SS18L1: variants seen among roughly 807,000 people sequenced by gnomAD.
SS18L1 encodes SS18L1 subunit of BAF chromatin remodeling complex.
SS18L1 carries 32 observed loss-of-function variants against 70.3 expected under a neutral mutation model. The ratio of observed to expected loss-of-function variants is 0.46; its 90% CI spans 0.34 to 0.61. The LOEUF is 0.61. Among genes scored for constraint, SS18L1 ranks in the 20% least tolerant of loss-of-function variants. The probability of loss-of-function intolerance (pLI) is 0.01; values close to 1 mark genes in which losing one functional copy is unlikely to be tolerated. For synonymous variants in SS18L1, 237 were observed against 229.7 expected, an observed-to-expected ratio of 1.03 and a Z score of -0.29; for missense variants, 430 against 542.1, an observed-to-expected ratio of 0.79 and a Z score of 2.05.
At chr20:62,167,366 A>G (rs1164061777) in intron 8 of SS18L1, among the ~76,000 whole-genome samples, 1 of 149,162 alleles carries the variant, frequency 6.7e-6, no homozygotes, top group Non-Finnish European at 1.5e-5. Context: ...TGAGGCCAGC[A>G]TGGGCAACAT....
chr20:62,161,942 C>T lies in SS18L1; in HGVS notation c.376+362C>T, dbSNP rs887129666. 2.0e-5 allele frequency among the ~76,000 whole-genome samples: 3 copies of T among 152,182 alleles called. No individual in the cohort carries two copies. The highest frequency in any genetic ancestry group is 2.9e-5 in the Non-Finnish European group (2 of 68,036). On this transcript the variant is annotated intron_variant, in intron 4 of 10. Coordinates refer to ENST00000331758, the MANE Select transcript of SS18L1 (RefSeq NM_198935.3). This position sits in a 1 kb window ranked among gnomAD's most constrained non-coding sequence, Gnocchi z 4.4. ...GACCATTAACAGTAATATAACAGGC[C>T]GGGTGTGGTGGCTCAGATCTCTAAT...
intron 8 of SS18L1, among the ~76,000 whole-genome samples, chr20:62,169,286 G>A (rs1448941056): frequency 6.6e-6 from 1 of 152,190 alleles, no homozygotes; most frequent in Non-Finnish European, 1.5e-5. Flanking sequence ...TTGCACACAC[G>A]CACACTCACA....
chr20:62,170,567 C>T (rs557517656), intron 8 of SS18L1, among the ~76,000 whole-genome samples: 7 of 152,364 alleles, frequency 4.6e-5, no homozygotes, highest in African/African-American at 1.4e-4. Context: ...CACATCTGCC[C>T]GCCCCGTTGC....
intron 9 of SS18L1, among the ~76,000 whole-genome samples, 169 bp downstream of exon 9, chr20:62,172,970 G>A (rs1190264807): frequency 6.6e-6 from 1 of 152,248 alleles, no homozygotes; most frequent in African/African-American, 2.4e-5. Context: ...CCCTGCCCCT[G>A]CCACATGTGG....
chr20:62,156,562 G>A (rs2057227795), intron 1 of SS18L1, among the ~76,000 whole-genome samples: 2 of 152,248 alleles, frequency 1.3e-5, no homozygotes, highest in Non-Finnish European at 1.5e-5. Context: ...CCCTGAAGTC[G>A]TGGAGACCGG....
chr20:62,150,265 G>A (rs1327065183), intron 1 of SS18L1, among the ~76,000 whole-genome samples: 3 of 152,256 alleles, frequency 2.0e-5, no homozygotes, highest in East Asian at 1.9e-4. Flanking sequence ...CTGTAGTATC[G>A]GCTTGCTGAC....
rs759992434 is a variant in SS18L1 at position 62,158,973 on chromosome 20, G to A, written c.146+225G>A. ...ATATGTCCCGAGAGTCCCCCAGCACGGAGGCCAGATATGTCCCGAGAGTCC... is the reference window on the plus strand; with the variant it reads ...ATATGTCCCGAGAGTCCCCCAGCACAGAGGCCAGATATGTCCCGAGAGTCC... On this transcript the variant is annotated intron_variant, in intron 2 of 10. Transcript: ENST00000331758. This position sits in a 1 kb window ranked among gnomAD's most constrained non-coding sequence, Gnocchi z 4.5. The A allele has an allele frequency of 3.3e-6, 5 of 1,536,378 alleles. No individual in the cohort carries two copies. In the East Asian group the frequency reaches 7.4e-5, roughly 23 times the overall value.
intron 8 of SS18L1, among the ~76,000 whole-genome samples, chr20:62,169,533 C>G (rs962905835): frequency 6.6e-6 from 1 of 152,128 alleles, no homozygotes; most frequent in African/African-American, 2.4e-5. Context: ...AATCTCAGCA[C>G]TCTGGGAGGC....
At chr20:62,173,891 G>A (rs1394477752) in intron 9 of SS18L1, among the ~76,000 whole-genome samples, 1 of 151,668 alleles carries the variant, frequency 6.6e-6, no homozygotes, top group Non-Finnish European at 1.5e-5. Context: ...GCACACTCCT[G>A]TGGTCCCAGC....
intron 3 of SS18L1, among the ~76,000 whole-genome samples, chr20:62,160,644 C>T (rs753595549): frequency 6.6e-6 from 1 of 152,180 alleles, no homozygotes; most frequent in Non-Finnish European, 1.5e-5. Context: ...AGCCTCTGTC[C>T]TGCTGACGGG....
chr20:62,159,971 C>G lies in SS18L1; in HGVS notation c.231+10C>G. ...GTCCCTGCTTCCTGCCGTGAGTACCCACGGGGGGTTGGCCTCCTTTACCCA... is the reference window on the plus strand; with the variant it reads ...GTCCCTGCTTCCTGCCGTGAGTACCGACGGGGGGTTGGCCTCCTTTACCCA... On this transcript the variant is annotated intron_variant, in intron 3 of 10. Transcript: ENST00000331758. The surrounding 1 kb of genome is among the most constrained non-coding windows in gnomAD (Gnocchi z 4.4). The G allele has an allele frequency of 6.2e-7, 1 of 1,609,168 alleles. No homozygotes were observed. The highest frequency in any genetic ancestry group is 8.5e-7 in the Non-Finnish European group (1 of 1,178,788).
chr20:62,163,620 A>T lies in SS18L1; in HGVS notation c.719A>T (p.Gln240Leu). The part of the protein sequence containing the change: ...RPMAPYRPSQ[Q>L]GSSQQYLGQE... ...ATGGCGCCCTACCGGCCCTCCCAGCAAGGTAACGCCCGGCCGGGCCAGGTC... is the reference window on the plus strand; with the variant it reads ...ATGGCGCCCTACCGGCCCTCCCAGCTAGGTAACGCCCGGCCGGGCCAGGTC... Residue 240 changes from glutamine to leucine, a missense_variant and splice_region_variant, in exon 6 of 11, where the codon CAA becomes CTA. Coordinates refer to ENST00000331758, the MANE Select transcript of SS18L1 (RefSeq NM_198935.3). The T allele has an allele frequency of 6.3e-7, 1 of 1,585,600 alleles. No individual in the cohort carries two copies. Among genetic ancestry groups the T allele is most frequent in the Non-Finnish European group, 8.5e-7 (1 of 1,169,670 alleles).
chr20:62,163,642 G>T lies in SS18L1; in HGVS notation c.721+20G>T. On this transcript the variant is annotated intron_variant, in intron 6 of 10. Transcript: ENST00000331758. ...AGCAAGGTAACGCCCGGCCGGGCCA[G>T]GTCGCGGGCACAGCTGACCGCCGCG... is the stretch of plus-strand genomic sequence containing the variant. 1 of 1,543,284 alleles carries T rather than the reference G, an allele frequency of 6.5e-7. No individual in the cohort carries two copies. Among genetic ancestry groups the T allele is most frequent in the Non-Finnish European group, 8.7e-7 (1 of 1,150,422 alleles).
In SS18L1 at chr20:62,163,638, G is replaced by A; in HGVS notation, c.721+16G>A. 2 of 1,548,034 alleles carry A rather than the reference G, an allele frequency of 1.3e-6. No individual in the cohort carries two copies. Among genetic ancestry groups the A allele is most frequent in the South Asian group, 2.4e-5 (2 of 82,940 alleles). On this transcript the variant is annotated intron_variant, in intron 6 of 10. Transcript: ENST00000331758. ...TCCCAGCAAGGTAACGCCCGGCCGG[G>A]CCAGGTCGCGGGCACAGCTGACCGC...
intron 7 of SS18L1, among the ~76,000 whole-genome samples, chr20:62,164,662 C>T (rs1313722981): frequency 6.6e-6 from 1 of 152,248 alleles, no homozygotes; most frequent in Non-Finnish European, 1.5e-5. Context: ...TGCACCTTCT[C>T]ATCTCTGCAG....
At chr20:62,144,430 C>G (rs2056984796) in intron 1 of SS18L1, among the ~76,000 whole-genome samples, 1 of 152,258 alleles carries the variant, frequency 6.6e-6, no homozygotes, top group Non-Finnish European at 1.5e-5. Context: ...GGCTGCCCCT[C>G]TTGCTCCTGG....
chr20:62,147,064 A>G (rs978338983), intron 1 of SS18L1, among the ~76,000 whole-genome samples: 5 of 152,206 alleles, frequency 3.3e-5, no homozygotes, highest in East Asian at 1.9e-4. Flanking sequence ...GTCTGGGTAC[A>G]GTTTAGCCCA....
chr20:62,171,342 A>G (rs1372974212), intron 8 of SS18L1, among the ~76,000 whole-genome samples: 2 of 152,206 alleles, frequency 1.3e-5, no homozygotes, highest in Non-Finnish European at 2.9e-5. Flanking sequence ...AGGAGAAAGG[A>G]TAGTGACCTT....
intron 7 of SS18L1, 77 bp from the exon 8 acceptor site, chr20:62,165,345 C>G: frequency 2.8e-6 from 4 of 1,409,120 alleles, no homozygotes; most frequent in South Asian, 1.2e-5. Context: ...TCTCCCCAGC[C>G]TGGGTCTCAG....
Sources: allele counts gnomAD v4.1 joint callset (sites outside exome capture counted in the v4.1 genomes callset), GRCh38; gene constraint gnomAD v4.1.1; non-coding constraint Gnocchi (gnomAD v3.1); transcripts MANE v1.5; gene names NCBI Gene and HGNC (gene_info 2026-07-23, HGNC 2026-07-21).